The following CDH4 variants were observed in gnomAD, a reference collection of about 807,000 sequenced individuals.
CDH4 encodes cadherin 4, also known as cadherin-4.
In CDH4, 33 loss-of-function variants were observed where a neutral mutation model predicts 86.0. The observed-to-expected ratio is 0.38, with a 90% CI of 0.29 to 0.51. The LOEUF is 0.51. CDH4 is among the 20% of genes least tolerant of loss of function. The pLI, the probability that CDH4 is intolerant of heterozygous loss-of-function variation, is 0.86. For missense variants in CDH4, 1,114 were observed against 1,307.4 expected, an observed-to-expected ratio of 0.85 and a Z score of 2.28; for synonymous variants, 555 against 549.4, an observed-to-expected ratio of 1.01 and a Z score of -0.14.
At chr20:61,536,044 G>T (rs548679703) in intron 2 of CDH4, among the ~76,000 whole-genome samples, 1 of 128,194 alleles carries the variant, frequency 7.8e-6, no homozygotes, top group South Asian at 2.4e-4. Context: ...GGCATTAGGA[G>T]TGCCCCCGGA....
intron 2 of CDH4, among the ~76,000 whole-genome samples, chr20:61,651,304 G>A (rs2087118325): frequency 1.3e-5 from 2 of 152,254 alleles, no homozygotes; most frequent in Admixed American, 1.3e-4. Context: ...AGGGAAGGAC[G>A]AGTGCCCCTT....
At chr20:61,279,288 C>T (rs1189853809) in intron 2 of CDH4, among the ~76,000 whole-genome samples, 1 of 152,222 alleles carries the variant, frequency 6.6e-6, no homozygotes, top group East Asian at 1.9e-4. Flanking sequence ...CCTGGACTCC[C>T]TCCCACCCAC....
chr20:61,779,487 C>T (rs181298583), intron 4 of CDH4, among the ~76,000 whole-genome samples: 16 of 152,326 alleles, frequency 1.1e-4, no homozygotes, highest in African/African-American at 3.8e-4. Context: ...ATCACAGGTG[C>T]GCAGCCACAG....
rs76632080 is a variant in CDH4, at chr20:61,461,197, T to TA, written c.169+206268dup. 6.0e-3 allele frequency among the ~76,000 whole-genome samples: 915 copies of TA among 151,870 alleles called. 7 individuals carry two copies. The highest frequency in any genetic ancestry group is 0.02 in the African/African-American group (824 of 41,286). ...GATAATCTAGGAAGCCATTTTTTTT[T>TA]AAAAAAAATGCAAAATCCCTAAGTC... On this transcript the variant is annotated intron_variant, in intron 2 of 15. Transcript: ENST00000614565.
At chr20:61,705,436 T>C (rs974465410) in intron 2 of CDH4, among the ~76,000 whole-genome samples, 2 of 152,246 alleles carry the variant, frequency 1.3e-5, no homozygotes, top group African/African-American at 4.8e-5. Context: ...TGTGCTCAAA[T>C]ATTGCTCACT....
At chr20:61,511,508 A>G (rs2085779578) in intron 2 of CDH4, among the ~76,000 whole-genome samples, 1 of 152,272 alleles carries the variant, frequency 6.6e-6, no homozygotes, top group Non-Finnish European at 1.5e-5. Flanking sequence ...CTCTGCAGCT[A>G]CTAAGAAAAA....
chr20:61,604,322 T>G (rs2086626039), intron 2 of CDH4, among the ~76,000 whole-genome samples: 2 of 152,232 alleles, frequency 1.3e-5, no homozygotes, highest in African/African-American at 4.8e-5. Context: ...GCGCCTGTCT[T>G]TGCACCTAAT....
At chr20:61,260,673 T>C (rs2084123176) in intron 2 of CDH4, among the ~76,000 whole-genome samples, 1 of 152,110 alleles carries the variant, frequency 6.6e-6, no homozygotes, top group African/African-American at 2.4e-5. Context: ...CCTCCATGGG[T>C]GGTCACTTCA....
At chr20:61,467,570 C>T (rs1414831798) in intron 2 of CDH4, among the ~76,000 whole-genome samples, 1 of 152,194 alleles carries the variant, frequency 6.6e-6, no homozygotes, top group African/African-American at 2.4e-5. Context: ...AATAATATGT[C>T]CCCTTCCATC....
intron 2 of CDH4, among the ~76,000 whole-genome samples, chr20:61,329,458 A>ACGCGGG (rs1248327270): frequency 3.6e-5 from 4 of 111,850 alleles, no homozygotes; most frequent in Non-Finnish European, 5.5e-5. Context: ...TGGGTCTGGG[A>ACGCGGG]TGTGGGTTGA....
At chr20:61,773,311 T>G in intron 4 of CDH4, 129 bp downstream of exon 4, 4 of 881,900 alleles carry the variant, frequency 4.5e-6, no homozygotes, top group Non-Finnish European at 5.0e-6. Flanking sequence ...ACCCTTTCTG[T>G]AATGAGATAA....
At position 61,518,786 on chromosome 20, in the gene CDH4, ATCAT is replaced by A. The variant is rs2085845491; in HGVS notation, c.170-224768_170-224765del. Among the ~76,000 whole-genome samples the A allele has an allele frequency of 6.6e-6, 1 of 151,238 alleles. No homozygotes were observed. The highest frequency in any genetic ancestry group is 6.6e-5 in the Admixed American group (1 of 15,244). Reference sequence around the variant, plus strand: ...CCACCCATCATCCATCCTTTCATCCATCATTCATTCATCCATCCACCCATCATCC... The same window carrying A: ...CCACCCATCATCCATCCTTTCATCCATCATTCATCCATCCACCCATCATCC... On this transcript the variant is annotated intron_variant, in intron 2 of 15. Transcript: ENST00000614565. This position sits in a 1 kb window ranked among gnomAD's most constrained non-coding sequence, Gnocchi z 6.3.
intron 3 of CDH4, among the ~76,000 whole-genome samples, chr20:61,759,548 G>A (rs910962202): frequency 2.6e-5 from 4 of 152,150 alleles, no homozygotes; most frequent in South Asian, 2.1e-4. Flanking sequence ...TGATGGCACC[G>A]ACCATCTTTC....
intron 2 of CDH4, among the ~76,000 whole-genome samples, chr20:61,539,027 G>T (rs192021752): frequency 1.3e-5 from 2 of 152,272 alleles, no homozygotes; most frequent in African/African-American, 4.8e-5. Context: ...AGGGGAGGAG[G>T]ACTAAAGGAG....
intron 2 of CDH4, among the ~76,000 whole-genome samples, chr20:61,403,268 C>G (rs980133880): frequency 1.3e-5 from 2 of 152,188 alleles, no homozygotes; most frequent in African/African-American, 4.8e-5. Context: ...TCCTGCATTG[C>G]CAGATTTTGG....
intron 4 of CDH4, among the ~76,000 whole-genome samples, chr20:61,776,795 A>G (rs970554719): frequency 8.5e-5 from 13 of 152,222 alleles, no homozygotes; most frequent in Admixed American, 7.2e-4. Flanking sequence ...GAGGCTTACA[A>G]GTGGCATACG....
At chr20:61,617,658 G>A (rs1389199005) in intron 2 of CDH4, among the ~76,000 whole-genome samples, 1 of 152,218 alleles carries the variant, frequency 6.6e-6, no homozygotes, top group Non-Finnish European at 1.5e-5. Context: ...GTGAAGCAGG[G>A]GGCATGAACG....
Position 61,845,604 on chromosome 20 carries a change from C to T in CDH4, c.732+781C>T, listed in dbSNP as rs79809864. ...CAAATCACGAGGGTCACACCCCGAC[C>T]TGCCCCTGGCCAGATGTGAGCTATT... On this transcript the variant is annotated intron_variant, in intron 5 of 15. Transcript: ENST00000614565. 9.6e-3 allele frequency among the ~76,000 whole-genome samples: 1,457 copies of T among 152,380 alleles called. 14 individuals carry two copies. The highest frequency in any genetic ancestry group is 0.015 in the Non-Finnish European group (1,029 of 68,036).
chr20:61,491,349 A>G (rs2085624777), intron 2 of CDH4, among the ~76,000 whole-genome samples: 1 of 152,194 alleles, frequency 6.6e-6, no homozygotes, highest in Non-Finnish European at 1.5e-5. Flanking sequence ...CAAGGTGGAC[A>G]GTACAGAGCT....
Sources: allele counts gnomAD v4.1 joint callset (sites outside exome capture counted in the v4.1 genomes callset), GRCh38; gene constraint gnomAD v4.1.1; non-coding constraint Gnocchi (gnomAD v3.1); transcripts MANE v1.5; gene names NCBI Gene and HGNC (gene_info 2026-07-23, HGNC 2026-07-21).